Variants in STMN4 observed in about 807,000 individuals in gnomAD.
The protein encoded by STMN4 is stathmin 4.
STMN4 carries 12 observed loss-of-function variants against 29.1 expected under a neutral mutation model. The observed-to-expected ratio is 0.41, with a 90% CI of 0.26 to 0.67. The LOEUF (loss-of-function observed/expected upper bound fraction) is 0.67. STMN4 is among the 30% of genes least tolerant of loss of function. STMN4 has a pLI of 0.30. For missense variants in STMN4, 181 were observed against 262.8 expected (o/e 0.69, Z 2.15); for synonymous variants, 114 against 105.3 (o/e 1.08, Z -0.51).
At chr8:27,249,275 T>C (rs1302691479) in intron 1 of STMN4, among the ~76,000 whole-genome samples, 1 of 152,036 alleles carries the variant, frequency 6.6e-6, no homozygotes, top group Non-Finnish European at 1.5e-5. Flanking sequence ...ACCCAGAACA[T>C]TTGAATGTCA....
intron 1 of STMN4, among the ~76,000 whole-genome samples, chr8:27,257,731 C>T (rs938084564): frequency 2.0e-5 from 3 of 152,182 alleles, no homozygotes; most frequent in Middle Eastern, 3.4e-3. Context: ...AGGACCAGGG[C>T]GTGGCAGTTC....
rs1465270887 is a variant in STMN4, at chr8:27,242,444, G to A, written c.62C>T (p.Ser21Phe). 6.2e-7 allele frequency: 1 copy of A among 1,614,102 alleles called. No homozygotes were observed. Among genetic ancestry groups the A allele is most frequent in the African/African-American group, 1.3e-5 (1 of 74,944 alleles). Reference sequence around the variant, plus strand: ...ATTCAGGGGATCGGCCAGGAAGCAGGAGCAGAACAAGGACACCAGCGGGAG... The same window carrying A: ...ATTCAGGGGATCGGCCAGGAAGCAGAAGCAGAACAAGGACACCAGCGGGAG... ...KELPLVSLFC[S>F]CFLADPLNKS... The change falls in exon 3 of 7, where the codon TCC (serine) becomes TTC (phenylalanine). Residue 21 changes from serine to phenylalanine, a missense_variant. Physicochemically the swap from Ser to Phe is radical, Grantham distance 155 (BLOSUM62 -2). Coordinates refer to ENST00000350889, the MANE Select transcript of STMN4 (RefSeq NM_030795.4).
In STMN4 at chr8:27,235,978, C is replaced by T. The variant is rs4733037; in HGVS notation, c.*868G>A. The stretch of plus-strand genomic sequence containing the variant: ...GAACGGTTGTGACTAAGACAAATTC[C>T]TTCTTACAGTGCATCTTGGGGACCA... On this transcript the variant is annotated 3_prime_UTR_variant, in exon 7 of 7. Coordinates refer to ENST00000350889, the MANE Select transcript of STMN4 (RefSeq NM_030795.4). 0.35 allele frequency: 52,945 copies of T among 152,064 alleles called. 9,525 individuals are homozygous for T. Among genetic ancestry groups the T allele is most frequent in the East Asian group, 0.5 (2,579 of 5,172 alleles). 9.4% of individuals were successfully genotyped at this position (152,064 alleles called of 1,614,324 possible). A position where few individuals can be genotyped will look rare whatever the true frequency, so the allele number is the denominator to read the frequency against.
intron 6 of STMN4, chr8:27,239,381 G>T (rs963969040): frequency 1.5e-6 from 2 of 1,330,084 alleles, no homozygotes. Flanking sequence ...TCAGCAGAAC[G>T]GGCCGGTATT....
intron 1 of STMN4, among the ~76,000 whole-genome samples, chr8:27,249,371 G>A (rs1801720226): frequency 6.6e-6 from 1 of 152,290 alleles, no homozygotes. Context: ...ACTTTTCAAT[G>A]GTCATGAAAC....
At chr8:27,240,191 C>G in intron 5 of STMN4, 29 bp from the exon 6 acceptor site, 1 of 1,603,948 alleles carries the variant, frequency 6.2e-7, no homozygotes, top group East Asian at 2.2e-5. Context: ...AGAAGGAGGC[C>G]CTTCACAGTG....
rs772634164 is a variant in STMN4, at chr8:27,242,432, G to T, written c.74C>A (p.Ala25Asp). ...GTAGGACGACTTATTCAGGGGATCG[G>T]CCAGGAAGCAGGAGCAGAACAAGGA... ...LVSLFCSCFL[A>D]DPLNKSSYKY... The change falls in exon 3 of 7, where the codon GCC becomes GAC. Residue 25 changes from alanine to aspartate, a missense_variant. By Grantham distance (126) the Ala-to-Asp change is moderately radical. Coordinates refer to ENST00000350889, the MANE Select transcript of STMN4 (RefSeq NM_030795.4). 13 of 1,614,168 alleles carry T rather than the reference G, an allele frequency of 8.1e-6. No individual in the cohort carries two copies. The highest frequency in any genetic ancestry group is 8.5e-6 in the Non-Finnish European group (10 of 1,180,022).
rs530505598 is a variant in STMN4, at chr8:27,241,326, C to A, written c.191-64G>T. 9 of 1,598,194 alleles carry A rather than the reference C, an allele frequency of 5.6e-6. 1 individual carries two copies. The Admixed American group carries it at 1.2e-4, about 21-fold the overall frequency. On this transcript the variant is annotated intron_variant, in intron 4 of 6. Coordinates refer to ENST00000350889, the MANE Select transcript of STMN4 (RefSeq NM_030795.4). The stretch of plus-strand genomic sequence containing the variant: ...AATGCACAGGCACCCAGCAAGCATG[C>A]GGCGCATGCACACGGGAGTGGGAGA...
chr8:27,237,091 C>G (rs1051250381), intron 6 of STMN4, among the ~76,000 whole-genome samples, 186 bp from the exon 7 acceptor site: 1 of 152,156 alleles, frequency 6.6e-6, no homozygotes, highest in Non-Finnish European at 1.5e-5. Context: ...AGGGGGCAAG[C>G]CTACTGGTGC....
intron 1 of STMN4, among the ~76,000 whole-genome samples, chr8:27,254,903 G>A (rs73239472): frequency 0.054 from 8,081 of 148,876 alleles, 318 homozygotes; most frequent in Non-Finnish European, 0.082. Context: ...ATTCACATGT[G>A]TGTGTAGGGG....
chr8:27,241,809 C>T (rs764718572), intron 3 of STMN4, 52 bp from the exon 4 acceptor site: 2 of 1,600,026 alleles, frequency 1.2e-6, no homozygotes, highest in East Asian at 4.5e-5. Flanking sequence ...TTCCTTGGTG[C>T]CAGACCAAAC....
chr8:27,252,962 C>T (rs1226204597), intron 1 of STMN4, among the ~76,000 whole-genome samples: 2 of 152,218 alleles, frequency 1.3e-5, no homozygotes, highest in Admixed American at 1.3e-4. Context: ...TTAAAATGCA[C>T]ACAACTGACC....
intron 6 of STMN4, chr8:27,239,500 T>C: frequency 1.5e-6 from 1 of 685,080 alleles, no homozygotes; most frequent in Non-Finnish European, 2.4e-6. Context: ...ACTCACTGGG[T>C]CTGTGTCAAG....
At chr8:27,258,038 C>T (rs1801993467) in intron 1 of STMN4, among the ~76,000 whole-genome samples, 1 of 152,192 alleles carries the variant, frequency 6.6e-6, no homozygotes, top group South Asian at 2.1e-4. Flanking sequence ...AGCACAAAAC[C>T]TTTCTCCTTA....
rs755336321 is a variant in STMN4, at chr8:27,236,812, C to G, written c.*34G>C. 5.1e-6 allele frequency: 8 copies of G among 1,569,746 alleles called. No homozygotes were observed. In the South Asian group the frequency reaches 8.4e-5, roughly 16 times the overall value. ...GGAACGTGGAGCTGCTGGAGCTGTCCGGCTGACCTGGAAAGTTCTTTGGCC... is the reference window on the plus strand; with the variant it reads ...GGAACGTGGAGCTGCTGGAGCTGTCGGGCTGACCTGGAAAGTTCTTTGGCC... On this transcript the variant is annotated 3_prime_UTR_variant, in exon 7 of 7. Transcript: ENST00000350889.
intron 1 of STMN4, among the ~76,000 whole-genome samples, chr8:27,256,991 A>C (rs987572687): frequency 1.3e-5 from 2 of 152,146 alleles, no homozygotes; most frequent in Non-Finnish European, 2.9e-5. Flanking sequence ...GGAGCTGAGA[A>C]TGCCAGGAGG....
chr8:27,237,219 G>C (rs1801335752), intron 6 of STMN4, among the ~76,000 whole-genome samples: 1 of 152,164 alleles, frequency 6.6e-6, no homozygotes, highest in Non-Finnish European at 1.5e-5. Flanking sequence ...GTTTGGATTA[G>C]ATCATATGGC....
At chr8:27,248,033 T>G (rs1801678528) in intron 1 of STMN4, among the ~76,000 whole-genome samples, 1 of 152,130 alleles carries the variant, frequency 6.6e-6, no homozygotes, top group Non-Finnish European at 1.5e-5. Context: ...GTGGCAGTCA[T>G]TCAGCCAATA....
At chr8:27,244,661 C>T (rs1019427902) in intron 1 of STMN4, among the ~76,000 whole-genome samples, 1 of 151,836 alleles carries the variant, frequency 6.6e-6, no homozygotes, top group African/African-American at 2.4e-5. Flanking sequence ...AAGGGAACAT[C>T]ACGGCCAAGG....
Sources: allele counts gnomAD v4.1 joint callset (sites outside exome capture counted in the v4.1 genomes callset), GRCh38; gene constraint gnomAD v4.1.1; transcripts MANE v1.5; gene names NCBI Gene and HGNC (gene_info 2026-07-23, HGNC 2026-07-21).